The following HERC1 variants were observed in gnomAD, a reference collection of about 807,000 sequenced individuals.
The protein encoded by HERC1 is probable E3 ubiquitin-protein ligase HERC1.
Under a neutral mutation model 554.3 loss-of-function variants are expected in HERC1, and 160 were observed. The ratio of observed to expected loss-of-function variants is 0.29; its 90% CI spans 0.25 to 0.33. HERC1 has a LOEUF of 0.33. Among genes scored for constraint, HERC1 ranks in the 10% least tolerant of loss-of-function variants. The pLI, the probability that HERC1 is intolerant of heterozygous loss-of-function variation, is 1.00. For missense variants in HERC1, 4,919 were observed against 5,918.5 expected (o/e 0.83, Z 5.54); for synonymous variants, 2,175 against 2,131.7 (o/e 1.02, Z -0.56).
Position 63,718,829 on chromosome 15 carries a change from G to C in HERC1, c.3811C>G (p.Leu1271Val), listed in dbSNP as rs1292203734. Residue 1271 changes from leucine to valine, a missense_variant, in exon 20 of 78, where the codon CTT becomes GTT. Around this residue, in one of 11 missense-constraint regions of HERC1, gnomAD observed 1,121 missense variants for 1,244.0 expected, o/e 0.90. Transcript: ENST00000443617. This position sits in a 1 kb window ranked among gnomAD's most constrained non-coding sequence, Gnocchi z 4.2. ...CTAAGTAAATTTGTGTGTTTCAGAA[G>C]AGCTGCAAGAACAAATCTAGACACA... ...DTVSRFVLAA[L>V]LKHTNLLSQA... 6.2e-7 allele frequency: 1 copy of C among 1,613,688 alleles called. No homozygotes were observed. Among genetic ancestry groups the C allele is most frequent in the South Asian group, 1.1e-5 (1 of 91,082 alleles).
intron 2 of HERC1, among the ~76,000 whole-genome samples, chr15:63,764,470 C>T (rs1368101839): frequency 6.6e-6 from 1 of 152,172 alleles, no homozygotes; most frequent in African/African-American, 2.4e-5. Context: ...GCTCTCGAAA[C>T]AATCAAGGAA....
intron 77 of HERC1, 71 bp from the exon 78 acceptor site, chr15:63,609,337 A>T (rs1268723570): frequency 7.5e-7 from 1 of 1,333,264 alleles, no homozygotes; most frequent in Non-Finnish European, 1.0e-6. Context: ...GCTGCCCATG[A>T]CCTCTCCCTG....
At chr15:63,621,094 G>A (rs1008147456) in intron 74 of HERC1, among the ~76,000 whole-genome samples, 4 of 152,220 alleles carry the variant, frequency 2.6e-5, no homozygotes, top group African/African-American at 7.2e-5. Flanking sequence ...AGCCTCGATG[G>A]TCTTTACAAT....
intron 22 of HERC1, among the ~76,000 whole-genome samples, chr15:63,714,709 G>A (rs1007292430): frequency 7.9e-5 from 12 of 151,584 alleles, no homozygotes; most frequent in South Asian, 2.1e-4. Context: ...CCACCACACC[G>A]GCTAATTTTT....
intron 34 of HERC1, 150 bp downstream of exon 34, chr15:63,686,209 C>T (rs1279246020): frequency 7.1e-6 from 4 of 561,072 alleles, no homozygotes; most frequent in African/African-American, 1.9e-5. Context: ...GTATATCCTT[C>T]ACTTGGTTTC....
chr15:63,733,270 G>A (rs2074370772), intron 13 of HERC1, 125 bp from the exon 14 acceptor site: 3 of 645,176 alleles, frequency 4.6e-6, no homozygotes, highest in South Asian at 4.0e-5. Flanking sequence ...TCTTCAGGAA[G>A]TACATAATTA....
intron 31 of HERC1, among the ~76,000 whole-genome samples, chr15:63,691,465 C>G (rs1349625967): frequency 6.6e-6 from 1 of 150,840 alleles, no homozygotes; most frequent in African/African-American, 2.4e-5. Context: ...GCCTCTGTCT[C>G]AAAATAATAA....
chr15:63,654,374 A>G (rs1430121381), intron 50 of HERC1, 50 bp from the exon 51 acceptor site: 10 of 1,360,040 alleles, frequency 7.4e-6, no homozygotes, highest in Non-Finnish European at 1.0e-5. Context: ...GGGCAATTAA[A>G]CCTGCTTAAA....
chr15:63,660,745 T>TTAA (rs1272933735), intron 46 of HERC1, among the ~76,000 whole-genome samples: 1 of 152,164 alleles, frequency 6.6e-6, no homozygotes, highest in Non-Finnish European at 1.5e-5. Context: ...CTAATAGAAA[T>TTAA]TAATATTCTG....
intron 64 of HERC1, 40 bp from the exon 65 acceptor site, chr15:63,636,182 T>C: frequency 1.3e-6 from 2 of 1,575,746 alleles, no homozygotes; most frequent in Non-Finnish European, 1.7e-6. Context: ...CACTGGATGT[T>C]AAAACTCTCC....
intron 25 of HERC1, among the ~76,000 whole-genome samples, chr15:63,703,233 G>A (rs1227784337): frequency 6.6e-6 from 1 of 152,138 alleles, no homozygotes; most frequent in Non-Finnish European, 1.5e-5. Context: ...TCAGACCAAG[G>A]GCTTAGACCA....
At chr15:63,658,330 T>C (rs1043233580) in intron 48 of HERC1, among the ~76,000 whole-genome samples, 1 of 152,246 alleles carries the variant, frequency 6.6e-6, no homozygotes, top group East Asian at 1.9e-4. Flanking sequence ...GTTTACTCAG[T>C]TGTGATAATG....
chr15:63,674,266 A>T, intron 38 of HERC1, 76 bp downstream of exon 38: 2 of 1,228,162 alleles, frequency 1.6e-6, no homozygotes, highest in Non-Finnish European at 2.2e-6. Flanking sequence ...TCACTTACAG[A>T]ATGTATCACT....
rs1044240649 is a variant in HERC1, at chr15:63,758,900, C to A, written c.1027-531G>T. Among the ~76,000 whole-genome samples, 1 of 151,082 alleles carries A rather than the reference C, an allele frequency of 6.6e-6. No individual in the cohort carries two copies. Among genetic ancestry groups the A allele is most frequent in the African/African-American group, 2.4e-5 (1 of 41,092 alleles). On this transcript the variant is annotated intron_variant, in intron 3 of 77. Transcript: ENST00000443617. This position sits in a 1 kb window ranked among gnomAD's most constrained non-coding sequence, Gnocchi z 4.0. ...TACTCAACCACTTCCCCACCCCCAA[C>A]TTTTTTTTTAAATAGATGGGGTCTC...
intron 1 of HERC1, among the ~76,000 whole-genome samples, chr15:63,806,067 A>T (rs2077129499): frequency 6.6e-6 from 1 of 152,050 alleles, no homozygotes; most frequent in Non-Finnish European, 1.5e-5. Context: ...TTTTTTCTTA[A>T]CATCAACCAC....
intron 5 of HERC1, among the ~76,000 whole-genome samples, chr15:63,755,826 A>C (rs1300009499): frequency 6.6e-6 from 1 of 152,066 alleles, no homozygotes; most frequent in Non-Finnish European, 1.5e-5. Flanking sequence ...GGGGAGATTA[A>C]TAAAAAGAGA....
rs372318271 is a variant in HERC1, at chr15:63,651,367, C to G, written c.10432G>C (p.Glu3478Gln). ...TCACTGGGTGATCCCAGGCTTTCCT[C>G]AGCATCCCCTTCCCTAGAATATAAC... ...CVFNRLEGDAEESLGSPSDPS... is the reference protein window; with the variant it reads ...CVFNRLEGDAQESLGSPSDPS... The change falls in exon 53 of 78, where the codon GAG (glutamate) becomes CAG (glutamine). Residue 3478 changes from glutamate to glutamine, a missense_variant. By Grantham distance (29) the Glu-to-Gln change is conservative (BLOSUM62 2). Coordinates refer to ENST00000443617, the MANE Select transcript of HERC1 (RefSeq NM_003922.4). 3.7e-6 allele frequency: 6 copies of G among 1,613,506 alleles called. No homozygotes were observed. Among genetic ancestry groups the G allele is most frequent in the Non-Finnish European group, 5.1e-6 (6 of 1,179,592 alleles).
At chr15:63,724,445 C>A (rs899358827) in intron 18 of HERC1, among the ~76,000 whole-genome samples, 1 of 152,226 alleles carries the variant, frequency 6.6e-6, no homozygotes, top group African/African-American at 2.4e-5. Flanking sequence ...TCCTCAACTG[C>A]TTCCCTCACT....
intron 24 of HERC1, among the ~76,000 whole-genome samples, chr15:63,707,395 T>C (rs1230246998): frequency 6.6e-6 from 1 of 152,216 alleles, no homozygotes; most frequent in Non-Finnish European, 1.5e-5. Context: ...ACTGGTGAAC[T>C]ACAGACAGTT....
Sources: allele counts gnomAD v4.1 joint callset (sites outside exome capture counted in the v4.1 genomes callset), GRCh38; gene constraint gnomAD v4.1.1; regional missense constraint gnomAD v4.1.1; non-coding constraint Gnocchi (gnomAD v3.1); transcripts MANE v1.5; gene names NCBI Gene and HGNC (gene_info 2026-07-23, HGNC 2026-07-21).